Variants in HSPH1 observed in about 807,000 individuals in gnomAD.
The protein encoded by HSPH1 is heat shock protein 105 kDa.
Under a neutral mutation model 100.0 loss-of-function variants are expected in HSPH1, and 40 were observed. The ratio of observed to expected loss-of-function variants is 0.40; its 90% CI spans 0.31 to 0.52. The LOEUF (loss-of-function observed/expected upper bound fraction) is 0.52, where lower values mean the gene tolerates loss of function less well. Ranked by LOEUF, HSPH1 falls within the 20% of genes least tolerant of loss-of-function variation. HSPH1 has a pLI of 0.54. For synonymous variants in HSPH1, 403 were observed against 344.0 expected (o/e 1.17, Z -1.90); for missense variants, 876 against 1,015.1 (o/e 0.86, Z 1.86).
rs1956616256 is a variant in HSPH1 at position 31,154,694 on chromosome 13, G to A, written c.368C>T (p.Thr123Ile). Residue 123 changes from threonine (T) to isoleucine (I), a missense_variant, in exon 4 of 18, where the codon ACT becomes ATT. Coordinates refer to ENST00000320027, the MANE Select transcript of HSPH1 (RefSeq NM_006644.4). The part of the protein sequence containing the change: ...SVEQITAMLL[T>I]KLKETAENSL... ...GTTTTCAGCAGTTTCCTTCAGCTTA[G>A]TCAACAACATGGCTGTTATCTGCTC... 1 of 1,613,852 alleles carries A rather than the reference G, an allele frequency of 6.2e-7. No individual in the cohort carries two copies. The highest frequency in any genetic ancestry group is 8.5e-7 in the Non-Finnish European group (1 of 1,179,776).
rs1405074823 is a variant in HSPH1 at position 31,161,333 on chromosome 13, G to T, written c.107+143C>A. ...CCATCCCTCCTCTGGCCGGGTCGCT[G>T]GTCCCTAGTTCCACGGAGGGGTGCG... On this transcript the variant is annotated intron_variant, in intron 1 of 17. Transcript: ENST00000320027. 15 of 1,412,188 alleles carry T rather than the reference G, an allele frequency of 1.1e-5. No individual in the cohort carries two copies. The Admixed American group carries it at 3.7e-4, about 34-fold the overall frequency. 87.5% of individuals were successfully genotyped at this position (1,412,188 alleles called of 1,614,324 possible). A position where few individuals can be genotyped will look rare whatever the true frequency, so the allele number is the denominator to read the frequency against.
chr13:31,135,224 G>A lies in HSPH1; in HGVS notation c.*2094C>T, dbSNP rs1443482078. 1 of 152,148 alleles carries A rather than the reference G, an allele frequency of 6.6e-6. No individual in the cohort carries two copies. Among genetic ancestry groups the A allele is most frequent in the Non-Finnish European group, 1.5e-5 (1 of 68,028 alleles). 9.4% of individuals were successfully genotyped at this position (152,148 alleles called of 1,614,324 possible). ...ACTGATTTAGGCCAGACTGACTGATGCTCCCTCCCGTCATCAGGTTCTATT... is the reference window on the plus strand; with the variant it reads ...ACTGATTTAGGCCAGACTGACTGATACTCCCTCCCGTCATCAGGTTCTATT... On this transcript the variant is annotated 3_prime_UTR_variant, in exon 18 of 18. Transcript: ENST00000320027.
At position 31,138,565 on chromosome 13, in the gene HSPH1, C is replaced by A; in HGVS notation, c.2212G>T (p.Glu738Ter). Residue 738 changes from glutamate to a stop codon, truncating the protein, a stop_gained, in exon 17 of 18, where the codon GAG becomes TAG. Transcript: ENST00000320027. LOFTEE classifies it high-confidence loss of function. ...KIAADFRNKD[E>*]KYNHIDESEM... ...GACTCATCAATATGGTTGTATTTCT[C>A]ATCCTGAACAAAAATAACACGGTCA... The A allele has an allele frequency of 6.2e-7, 1 of 1,603,562 alleles. No homozygotes were observed. Among genetic ancestry groups the A allele is most frequent in the South Asian group, 1.1e-5 (1 of 89,552 alleles).
intron 2 of HSPH1, among the ~76,000 whole-genome samples, chr13:31,156,346 T>A (rs950351332): frequency 2.0e-5 from 3 of 151,900 alleles, no homozygotes; most frequent in African/African-American, 7.3e-5. Context: ...GCCAAGATCG[T>A]GTCACTGCAC....
chr13:31,161,782 C>A lies in HSPH1; in HGVS notation c.-200G>T. ...CCTACTCCCCCGGGGACAGCGGCGG[C>A]TGGCTGATAAGAAACCCTGGGAGAA... is the stretch of plus-strand genomic sequence containing the variant. On this transcript the variant is annotated 5_prime_UTR_variant, in exon 1 of 18. Transcript: ENST00000320027. 1.3e-6 allele frequency: 2 copies of A among 1,499,454 alleles called. No homozygotes were observed. Among genetic ancestry groups the A allele is most frequent in the Non-Finnish European group, 1.8e-6 (2 of 1,125,354 alleles). The allele number at this position is 1,499,454 out of a possible 1,614,324, so 92.9% of individuals were successfully genotyped here. A position where few individuals can be genotyped will look rare whatever the true frequency, so the allele number is the denominator to read the frequency against.
intron 8 of HSPH1, 92 bp from the exon 9 acceptor site, chr13:31,148,572 CA>C (rs33938762): frequency 0.21 from 29,163 of 136,078 alleles, 2,415 homozygotes; most frequent in East Asian, 0.39. Flanking sequence ...ACAGGGTTTT[CA>C]AAAAAAAAAA....
Position 31,161,481 on chromosome 13 carries a change from G to A in HSPH1, c.102C>T (p.Cys34=), listed in dbSNP as rs1246641502. The change falls in exon 1 of 18, where the codon TGC becomes TGT. Residue 34 remains cysteine (C), a synonymous_variant. Coordinates refer to ENST00000320027, the MANE Select transcript of HSPH1 (RefSeq NM_006644.4). The stretch of plus-strand genomic sequence containing the variant: ...CCTCGCAGACTCCCACTTACGGGGT[G>A]CACCGGTCGCTGAACTCATTGGCGA... The part of the protein sequence containing the change: ...ETIANEFSDR[C]TPSVISFGSK... The A allele has an allele frequency of 6.2e-7, 1 of 1,614,048 alleles. No homozygotes were observed. The highest frequency in any genetic ancestry group is 1.1e-5 in the South Asian group (1 of 91,074).
intron 10 of HSPH1, among the ~76,000 whole-genome samples, chr13:31,147,503 C>G (rs1303913607): frequency 6.6e-6 from 1 of 151,928 alleles, no homozygotes; most frequent in Non-Finnish European, 1.5e-5. Flanking sequence ...CCAAAAAAAA[C>G]TTATCTTTAG....
intron 1 of HSPH1, among the ~76,000 whole-genome samples, chr13:31,160,406 A>G (rs1956854484): frequency 6.6e-6 from 1 of 152,188 alleles, no homozygotes; most frequent in Non-Finnish European, 1.5e-5. Context: ...GCACCCAAAT[A>G]ATTGTATTAC....
chr13:31,144,724 G>A (rs1032168193), intron 11 of HSPH1, among the ~76,000 whole-genome samples: 2 of 152,086 alleles, frequency 1.3e-5, no homozygotes, highest in Admixed American at 6.6e-5. Context: ...AGACACTGAA[G>A]TATTTAGAAA....
rs775613911 is a variant in HSPH1 at position 31,161,378 on chromosome 13, G to C, written c.107+98C>G. ...GGTGCGCCGCTGCCCAAACGCCTCC[G>C]TTTGCCGCGGTGATCCGTACAGCCA... On this transcript the variant is annotated intron_variant, in intron 1 of 17. Transcript: ENST00000320027. 28 of 1,522,326 alleles carry C rather than the reference G, an allele frequency of 1.8e-5. No individual in the cohort carries two copies. The South Asian group carries it at 2.1e-4, about 11-fold the overall frequency. The allele number at this position is 1,522,326 out of a possible 1,614,324, so 94.3% of individuals were successfully genotyped here. A position where few individuals can be genotyped will look rare whatever the true frequency, so the allele number is the denominator to read the frequency against.
At chr13:31,153,621 G>A (rs973825118) in intron 4 of HSPH1, among the ~76,000 whole-genome samples, 9 of 151,776 alleles carry the variant, frequency 5.9e-5, no homozygotes, top group Non-Finnish European at 1.3e-4. Context: ...TACTATTCAG[G>A]AAAAAAAGTA....
At chr13:31,154,344 T>C (rs953532638) in intron 4 of HSPH1, 8 of 438,716 alleles carry the variant, frequency 1.8e-5, no homozygotes, top group African/African-American at 1.4e-4. Context: ...ACAAGCCTGA[T>C]AGTGCAGCAA....
At position 31,153,818 on chromosome 13, in the gene HSPH1, G is replaced by C. The variant is rs61948654; in HGVS notation, c.429+815C>G. 3.7e-5 allele frequency among the ~76,000 whole-genome samples: 5 copies of C among 133,510 alleles called. No homozygotes were observed. The East Asian group carries it at 6.2e-4, about 17-fold the overall frequency. The allele number at this position is 133,510 out of a possible 152,430, so 87.6% of individuals were successfully genotyped here. A position where few individuals can be genotyped will look rare whatever the true frequency, so the allele number is the denominator to read the frequency against. On this transcript the variant is annotated intron_variant, in intron 4 of 17. Coordinates refer to ENST00000320027, the MANE Select transcript of HSPH1 (RefSeq NM_006644.4). ...CGTCCATCAGTTTCTCAGCTCACCA[G>C]GGGAAAAAAAATGTGGCAAAAAAAA...
chr13:31,157,056 C>T (rs1394028890), intron 2 of HSPH1, among the ~76,000 whole-genome samples: 1 of 152,156 alleles, frequency 6.6e-6, no homozygotes. Context: ...TTTTCTCTTA[C>T]CTAATTTTTT....
rs768921344 is a variant in HSPH1 at position 31,137,535 on chromosome 13, C to T, written c.2371-11G>A. ...TGTGTTGTTCAATTCCTAAAGAAAACAAAAACTAGTTATCAGATTAACTCA... is the reference window on the plus strand; with the variant it reads ...TGTGTTGTTCAATTCCTAAAGAAAATAAAAACTAGTTATCAGATTAACTCA... On this transcript the variant is annotated splice_polypyrimidine_tract_variant and intron_variant, in intron 17 of 17. Coordinates refer to ENST00000320027, the MANE Select transcript of HSPH1 (RefSeq NM_006644.4). The T allele has an allele frequency of 5.0e-6, 8 of 1,597,892 alleles. No homozygotes were observed. Among genetic ancestry groups the T allele is most frequent in the Admixed American group, 3.5e-5 (2 of 57,748 alleles).
chr13:31,154,274 AC>A, intron 4 of HSPH1: 1 of 307,672 alleles, frequency 3.3e-6, no homozygotes, highest in Non-Finnish European at 6.3e-6. Flanking sequence ...CTCCTAATAC[AC>A]TGGTTTCTCA....
At chr13:31,152,780 G>GA (rs769507216) in intron 5 of HSPH1, 72 bp downstream of exon 5, 1 of 1,048,276 alleles carries the variant, frequency 9.5e-7, no homozygotes, top group Non-Finnish European at 1.5e-6. Context: ...GTATCTATAA[G>GA]AAAGTAATAG....
intron 5 of HSPH1, chr13:31,151,969 G>A (rs541918321): frequency 1.0e-4 from 49 of 468,866 alleles, no homozygotes; most frequent in African/African-American, 8.2e-4. Flanking sequence ...ATATGGAGAT[G>A]TGCTAGACAA....
Sources: gnomAD v4.1 joint callset for allele counts (sites outside exome capture counted in the v4.1 genomes callset) on GRCh38, gnomAD v4.1.1 for gene constraint, MANE v1.5 for transcripts, NCBI Gene and HGNC (gene_info 2026-07-23, HGNC 2026-07-21) for gene names.